Variants in SCGB1C1 observed in about 807,000 individuals in gnomAD.
SCGB1C1 encodes secretoglobin family 1C member 1.
Under a neutral mutation model 8.9 loss-of-function variants are expected in SCGB1C1, and 2 were observed. The ratio of observed to expected loss-of-function variants is 0.23; its 90% CI spans 0.09 to 0.71. The LOEUF (loss-of-function observed/expected upper bound fraction) is 0.71. SCGB1C1 is among the 30% of genes least tolerant of loss of function. The pLI, the probability that SCGB1C1 is intolerant of heterozygous loss-of-function variation, is 0.78. For synonymous variants in SCGB1C1, 6 were observed against 45.8 expected (o/e 0.13, Z 3.51); for missense variants, 25 against 112.7 (o/e 0.22, Z 3.52).
chr11:192,230 T>C (rs1173246577), upstream of SCGB1C1, among the ~76,000 whole-genome samples: 1 of 150,698 alleles, frequency 6.6e-6, no homozygotes, highest in Non-Finnish European at 1.5e-5. Flanking sequence ...GTCAGAGGGC[T>C]GGACTGGGAC....
At chr11:193,204 T>TGG in intron 1 of SCGB1C1, 50 bp downstream of exon 1, 4 of 209,134 alleles carry the variant, frequency 1.9e-5, no homozygotes, top group Admixed American at 7.2e-5. Flanking sequence ...TGGGGGGGAG[T>TGG]GGGGGGTACC....
At chr11:191,804 ACCCTAACCCTAAC>A (rs1854812043), upstream of SCGB1C1, among the ~76,000 whole-genome samples, 2 of 134,250 alleles carry the variant, frequency 1.5e-5, no homozygotes, top group Admixed American at 8.3e-5. Context: ...CCAAAACCTA[ACCCTAACCCTAAC>A]CCCTAACCCC....
chr11:190,685 T>C (rs1341014937), upstream of SCGB1C1, among the ~76,000 whole-genome samples: 1 of 152,298 alleles, frequency 6.6e-6, no homozygotes, highest in African/African-American at 2.4e-5. Context: ...ACCTCCTCAC[T>C]GTTGGTTGAG....
Position 194,329 on chromosome 11 carries a change from C to G in SCGB1C1, c.256-89C>G, listed in dbSNP as rs1325725550. 156 of 1,195,748 alleles carry G rather than the reference C, an allele frequency of 1.3e-4. 1 individual carries two copies. The highest frequency in any genetic ancestry group is 1.8e-4 in the Non-Finnish European group (147 of 807,290). The allele number at this position is 1,195,748 out of a possible 1,614,324, so 74.1% of individuals were successfully genotyped here. Reference sequence around the variant, plus strand: ...ATAGGCAGCAATATGCCAGACCCCCCCCCACTGAGGGCCTTGCTTGCCTGA... The same window carrying G: ...ATAGGCAGCAATATGCCAGACCCCCGCCCACTGAGGGCCTTGCTTGCCTGA... On this transcript the variant is annotated intron_variant, in intron 2 of 2. Coordinates refer to ENST00000342878, the MANE Select transcript of SCGB1C1 (RefSeq NM_145651.3).
upstream of SCGB1C1, among the ~76,000 whole-genome samples, chr11:190,768 G>A (rs369536916): frequency 0.027 from 3,183 of 116,662 alleles, no homozygotes; most frequent in Non-Finnish European, 0.046. Context: ...CACACTGACA[G>A]CGATCACGTT....
In SCGB1C1 at chr11:194,397, C is replaced by G. The variant is rs766883895; in HGVS notation, c.256-21C>G. ...ACTTATTGAGCACAGCCCTCTTAGTCCACATGTGTCTGCCTTCCAGGTGCA... is the reference window on the plus strand; with the variant it reads ...ACTTATTGAGCACAGCCCTCTTAGTGCACATGTGTCTGCCTTCCAGGTGCA... On this transcript the variant is annotated intron_variant, in intron 2 of 2. Coordinates refer to ENST00000342878, the MANE Select transcript of SCGB1C1 (RefSeq NM_145651.3). 5.4e-6 allele frequency: 4 copies of G among 746,140 alleles called. No homozygotes were observed. The African/African-American group carries it at 7.4e-5, about 14-fold the overall frequency. 46.2% of individuals were successfully genotyped at this position (746,140 alleles called of 1,614,324 possible). A position where few individuals can be genotyped will look rare whatever the true frequency, so the allele number is the denominator to read the frequency against.
At chr11:191,996 C>CA (rs1378143483), upstream of SCGB1C1, among the ~76,000 whole-genome samples, 1 of 152,282 alleles carries the variant, frequency 6.6e-6, no homozygotes, top group Non-Finnish European at 1.5e-5. Flanking sequence ...ATCTTCATCC[C>CA]ACCCTATCCC....
chr11:189,501 G>A (rs1363982799), upstream of SCGB1C1, among the ~76,000 whole-genome samples: 1 of 148,446 alleles, frequency 6.7e-6, no homozygotes. Flanking sequence ...CTGGGGGGCG[G>A]GGGGAGGCGC....
chr11:193,868 A>C lies in SCGB1C1; in HGVS notation c.212A>C (p.Asp71Ala). The change falls in exon 2 of 3, where the codon GAT becomes GCT. Residue 71 changes from aspartate (D) to alanine (A), a missense_variant. Asp to Ala is a moderately radical substitution (Grantham distance 126). Coordinates refer to ENST00000342878, the MANE Select transcript of SCGB1C1 (RefSeq NM_145651.3). ...ATGACTGAACTCAAGTCCTGTATAG[A>C]TGGCCTGCAGCCAATGCACAAGGCG... ...AAMTELKSCI[D>A]GLQPMHKAEL... is the part of the protein sequence containing the mutation. The C allele has an allele frequency of 6.8e-7, 1 of 1,462,094 alleles. No homozygotes were observed. The highest frequency in any genetic ancestry group is 9.4e-7 in the Non-Finnish European group (1 of 1,067,994). The allele number at this position is 1,462,094 out of a possible 1,614,324, so 90.6% of individuals were successfully genotyped here.
rs1316343030 is a variant in SCGB1C1, at chr11:193,717, G to A, written c.61G>A (p.Ala21Thr). The change falls in exon 2 of 3, where the codon GCC becomes ACC. Residue 21 changes from alanine (A) to threonine (T), a missense_variant. Physicochemically the swap from Ala to Thr is moderately conservative, Grantham distance 58. Coordinates refer to ENST00000342878, the MANE Select transcript of SCGB1C1 (RefSeq NM_145651.3). ...TCATCTCGCTCGTGATGCAGGGATG[G>A]CCACAGGGGAGGACAACGATGAGTT... ...ALTLFCICRM[A>T]TGEDNDEFFM... The A allele has an allele frequency of 6.2e-7, 1 of 1,613,612 alleles. No individual in the cohort carries two copies. The highest frequency in any genetic ancestry group is 8.5e-7 in the Non-Finnish European group (1 of 1,180,008).
upstream of SCGB1C1, among the ~76,000 whole-genome samples, chr11:190,435 G>A (rs1406931572): frequency 2.7e-5 from 4 of 149,222 alleles, no homozygotes; most frequent in African/African-American, 7.4e-5. Flanking sequence ...TTCACCAAGA[G>A]GCAATACAAA....
chr11:190,845 T>C (rs1854790743), upstream of SCGB1C1, among the ~76,000 whole-genome samples: 1 of 151,688 alleles, frequency 6.6e-6, no homozygotes, highest in African/African-American at 2.4e-5. Context: ...TGGTGCCAGG[T>C]TTCTCTTAAG....
At chr11:191,821 TAACC>T (rs1854812957), upstream of SCGB1C1, among the ~76,000 whole-genome samples, 1 of 87,426 alleles carries the variant, frequency 1.1e-5, no homozygotes. Context: ...CCCTAACCCC[TAACC>T]CCTAACCCTA....
upstream of SCGB1C1, among the ~76,000 whole-genome samples, chr11:192,387 C>T (rs370038595): frequency 1.2e-4 from 18 of 152,122 alleles, no homozygotes; most frequent in Non-Finnish European, 1.6e-4. Context: ...AACCCCAAGC[C>T]CTCCTTGCTA....
upstream of SCGB1C1, among the ~76,000 whole-genome samples, chr11:189,041 G>C (rs1374866588): frequency 9.9e-6 from 1 of 101,458 alleles, no homozygotes; most frequent in African/African-American, 3.5e-5. Context: ...TTGGACAAAG[G>C]ACAGACAGCA....
upstream of SCGB1C1, among the ~76,000 whole-genome samples, chr11:191,023 A>G (rs1854796582): frequency 7.4e-6 from 1 of 135,968 alleles, no homozygotes; most frequent in Non-Finnish European, 1.6e-5. Flanking sequence ...CTCCAGCACT[A>G]GAGATGCTAC....
At chr11:192,058 T>G (rs1854823477), upstream of SCGB1C1, among the ~76,000 whole-genome samples, 1 of 152,130 alleles carries the variant, frequency 6.6e-6, no homozygotes, top group Admixed American at 6.5e-5. Flanking sequence ...TTTATGTGAT[T>G]GTTTCGAATA....
upstream of SCGB1C1, among the ~76,000 whole-genome samples, chr11:189,938 G>A (rs61878362): frequency 6.6e-5 from 10 of 152,364 alleles, no homozygotes; most frequent in South Asian, 6.2e-4. Context: ...GTGGCAGCAC[G>A]CCCGCCTGCT....
upstream of SCGB1C1, among the ~76,000 whole-genome samples, chr11:189,405 GCTTT>G (rs1279532819): frequency 6.6e-6 from 1 of 152,188 alleles, no homozygotes; most frequent in East Asian, 1.9e-4. Flanking sequence ...GGCAAAATAA[GCTTT>G]CTAAATTGAC....
Sources: gnomAD v4.1 joint callset for allele counts (sites outside exome capture counted in the v4.1 genomes callset) on GRCh38, gnomAD v4.1.1 for gene constraint, MANE v1.5 for transcripts, NCBI Gene and HGNC (gene_info 2026-07-23, HGNC 2026-07-21) for gene names.